Variants in COL4A3 observed in about 807,000 individuals in gnomAD.
COL4A3 encodes the protein collagen type IV alpha 3 chain.
In COL4A3, 135 loss-of-function variants were observed where a neutral mutation model predicts 217.4. The ratio of observed to expected loss-of-function variants is 0.62; its 90% CI spans 0.54 to 0.72. The LOEUF is 0.72. Among genes scored for constraint, COL4A3 ranks in the 30% least tolerant of loss-of-function variants. The pLI is 0.00. For synonymous variants in COL4A3, 690 were observed against 736.3 expected, an observed-to-expected ratio of 0.94 and a Z score of 1.02; for missense variants, 1,868 against 2,119.9, an observed-to-expected ratio of 0.88 and a Z score of 2.33.
intron 26 of COL4A3, among the ~76,000 whole-genome samples, chr2:227,273,892 G>A (rs893780034): frequency 1.3e-5 from 2 of 152,154 alleles, no homozygotes; most frequent in African/African-American, 4.8e-5. Flanking sequence ...AGAATAGCAT[G>A]CTACTGATAG....
At chr2:227,249,299 A>C (rs2069592441) in intron 9 of COL4A3, among the ~76,000 whole-genome samples, 1 of 127,580 alleles carries the variant, frequency 7.8e-6, no homozygotes, top group South Asian at 2.8e-4. Flanking sequence ...GCAGTGGTGC[A>C]ATCTTGGGTC....
In COL4A3 at chr2:227,191,115, T is replaced by C. The variant is rs2066223611; in HGVS notation, c.87+26302T>C. Among the ~76,000 whole-genome samples, 1 of 152,172 alleles carries C rather than the reference T, an allele frequency of 6.6e-6. No individual in the cohort carries two copies. Among genetic ancestry groups the C allele is most frequent in the Non-Finnish European group, 1.5e-5 (1 of 68,028 alleles). On this transcript the variant is annotated intron_variant, in intron 1 of 51. Transcript: ENST00000396578. This position sits in a 1 kb window ranked among gnomAD's most constrained non-coding sequence, Gnocchi z 6.8. Reference sequence around the variant, plus strand: ...ATAGACTACATAAATAATACGTATATGGCCATGGAAACAATTTTTGACATT... The same window carrying C: ...ATAGACTACATAAATAATACGTATACGGCCATGGAAACAATTTTTGACATT...
At chr2:227,289,355 T>A in intron 35 of COL4A3, 107 bp downstream of exon 35, 1 of 950,894 alleles carries the variant, frequency 1.1e-6, no homozygotes, top group Non-Finnish European at 1.6e-6. Flanking sequence ...AATTCTGTTC[T>A]GATAGTGTTC....
intron 24 of COL4A3, 44 bp downstream of exon 24, chr2:227,270,024 T>C (rs768367180): frequency 3.7e-5 from 57 of 1,526,132 alleles, no homozygotes; most frequent in Admixed American, 1.2e-4. Context: ...ATTTGACAAA[T>C]TGCACACTCT....
rs1333630193 is a variant in COL4A3, at chr2:227,191,226, G to T, written c.87+26413G>T. Among the ~76,000 whole-genome samples the T allele has an allele frequency of 6.6e-6, 1 of 151,966 alleles. No homozygotes were observed. Among genetic ancestry groups the T allele is most frequent in the Non-Finnish European group, 1.5e-5 (1 of 68,012 alleles). ...TTATAAGTAATACTGCTATGATCAT[G>T]CCAATGACACTCTGCTTGATTTGGA... On this transcript the variant is annotated intron_variant, in intron 1 of 51. Coordinates refer to ENST00000396578, the MANE Select transcript of COL4A3 (RefSeq NM_000091.5). The surrounding 1 kb of genome is among the most constrained non-coding windows in gnomAD (Gnocchi z 6.8).
intron 25 of COL4A3, among the ~76,000 whole-genome samples, chr2:227,271,202 A>T (rs1168776038): frequency 6.6e-6 from 1 of 152,166 alleles, no homozygotes; most frequent in Non-Finnish European, 1.5e-5. Context: ...TCTCATACAC[A>T]AATTACAGTT....
intron 11 of COL4A3, among the ~76,000 whole-genome samples, chr2:227,251,795 G>A (rs560158490): frequency 7.0e-4 from 106 of 152,214 alleles, no homozygotes; most frequent in African/African-American, 2.4e-3. Flanking sequence ...CAGCCCAGGC[G>A]CATTGGTTCA....
chr2:227,266,110 C>T lies in COL4A3; in HGVS notation c.1316-307C>T, dbSNP rs554549894. On this transcript the variant is annotated intron_variant, in intron 21 of 51. Transcript: ENST00000396578. ...ACAATTCAAGATGAGATTTGGGACA[C>T]AGCCAAACCATATCAACTTGGAATA... 2.9e-4 allele frequency among the ~76,000 whole-genome samples: 44 copies of T among 152,124 alleles called. 1 individual carries two copies. In the South Asian group the frequency reaches 8.9e-3, roughly 31 times the overall value.
intron 7 of COL4A3, 43 bp downstream of exon 7, chr2:227,246,781 A>G: frequency 6.6e-7 from 1 of 1,524,190 alleles, no homozygotes; most frequent in South Asian, 1.1e-5. Context: ...CATAAAGTAT[A>G]AATAACAGTG....
At chr2:227,304,892 G>A in intron 46 of COL4A3, 93 bp from the exon 47 acceptor site, 1 of 1,048,522 alleles carries the variant, frequency 9.5e-7, no homozygotes, top group East Asian at 2.6e-5. Flanking sequence ...TTTCATTCCT[G>A]AAACTGAGAA....
intron 20 of COL4A3, among the ~76,000 whole-genome samples, chr2:227,261,932 A>G (rs760084910): frequency 4.6e-5 from 7 of 152,254 alleles, no homozygotes; most frequent in Non-Finnish European, 5.9e-5. Context: ...CTCATCAAGT[A>G]TAACTGTAGT....
In COL4A3 at chr2:227,270,843, T is replaced by G. The variant is rs746917074; in HGVS notation, c.1649T>G (p.Val550Gly). The part of the protein sequence containing the change: ...KGETLQPEGQ[V>G]GVPGDPGLRG... ...GAAACACTTCAGCCTGAGGGGCAAGTGGGTGTCCCAGGTGACCCGGGGCTC... is the reference window on the plus strand; with the variant it reads ...GAAACACTTCAGCCTGAGGGGCAAGGGGGTGTCCCAGGTGACCCGGGGCTC... Residue 550 changes from valine (V) to glycine (G), a missense_variant, in exon 25 of 52, where the codon GTG becomes GGG. By Grantham distance (109) the Val-to-Gly change is moderately radical (BLOSUM62 -3). Coordinates refer to ENST00000396578, the MANE Select transcript of COL4A3 (RefSeq NM_000091.5). 4 of 1,613,890 alleles carry G rather than the reference T, an allele frequency of 2.5e-6. No homozygotes were observed. The highest frequency in any genetic ancestry group is 3.4e-6 in the Non-Finnish European group (4 of 1,179,988).
At position 227,253,282 on chromosome 2, in the gene COL4A3, G is replaced by A. The variant is rs371519656; in HGVS notation, c.646-14G>A. The A allele has an allele frequency of 7.4e-6, 12 of 1,612,174 alleles. No individual in the cohort carries two copies. In the African/African-American group the frequency reaches 1.3e-4, roughly 18 times the overall value. ...TATTTTTAGAAAATAATTTGGTTTT[G>A]TGTTTTCTTACAGGGTCACATGGGT... is the stretch of plus-strand genomic sequence containing the variant. On this transcript the variant is annotated splice_polypyrimidine_tract_variant and intron_variant, in intron 11 of 51. Coordinates refer to ENST00000396578, the MANE Select transcript of COL4A3 (RefSeq NM_000091.5). This position sits in a 1 kb window ranked among gnomAD's most constrained non-coding sequence, Gnocchi z 4.4.
chr2:227,290,163 T>TGTTTTG, intron 36 of COL4A3, 75 bp downstream of exon 36: 1 of 1,442,664 alleles, frequency 6.9e-7, no homozygotes. Flanking sequence ...TGTTGTGTAC[T>TGTTTTG]GTTTTGGTTT....
At chr2:227,305,117 T>C in intron 47 of COL4A3, 34 bp downstream of exon 47, 1 of 1,581,918 alleles carries the variant, frequency 6.3e-7, no homozygotes, top group Non-Finnish European at 8.7e-7. Flanking sequence ...ACCGAAGAAG[T>C]GCTATTTCGA....
chr2:227,304,210 CT>C, intron 46 of COL4A3, 66 bp downstream of exon 46: 1 of 1,592,448 alleles, frequency 6.3e-7, no homozygotes, highest in African/African-American at 1.3e-5. Context: ...CTGTAAACTG[CT>C]TTGGAAACAG....
At chr2:227,197,904 G>A (rs989231404) in intron 1 of COL4A3, among the ~76,000 whole-genome samples, 2 of 152,228 alleles carry the variant, frequency 1.3e-5, no homozygotes, top group African/African-American at 4.8e-5. Flanking sequence ...CTCAAGGTTG[G>A]TGAGTGGTAG....
chr2:227,265,044 C>A (rs13034589), intron 21 of COL4A3: 11,264 of 152,268 alleles, frequency 0.074, 550 homozygotes, highest in Admixed American at 0.16. Flanking sequence ...TTCTCTTTGT[C>A]TTTGTCAGTT....
chr2:227,240,444 C>A (rs2068955948), intron 3 of COL4A3, among the ~76,000 whole-genome samples: 1 of 152,162 alleles, frequency 6.6e-6, no homozygotes, highest in African/African-American at 2.4e-5. Context: ...AAGTCTGTGG[C>A]TCCAGTTCAT....
Sources: allele counts gnomAD v4.1 joint callset (sites outside exome capture counted in the v4.1 genomes callset), GRCh38; gene constraint gnomAD v4.1.1; non-coding constraint Gnocchi (gnomAD v3.1); transcripts MANE v1.5; gene names NCBI Gene and HGNC (gene_info 2026-07-23, HGNC 2026-07-21).